Variants in TMEM150C observed in about 807,000 individuals in gnomAD.
The protein encoded by TMEM150C is tentonin 3.
A neutral mutation model predicts 29.9 loss-of-function variants in TMEM150C; 10 were observed. That is an observed-to-expected ratio of 0.33 (90% CI 0.21 to 0.57). The LOEUF is 0.57. Ranked by LOEUF, TMEM150C falls within the 20% of genes least tolerant of loss-of-function variation. The pLI is 0.88. For synonymous variants in TMEM150C, 101 were observed against 112.5 expected, an observed-to-expected ratio of 0.90 and a Z score of 0.64; for missense variants, 251 against 303.6, an observed-to-expected ratio of 0.83 and a Z score of 1.29.
intron 1 of TMEM150C, among the ~76,000 whole-genome samples, chr4:82,547,543 T>G (rs1173224600): frequency 6.6e-6 from 1 of 151,832 alleles, no homozygotes; most frequent in African/African-American, 2.4e-5. Context: ...GAGCTGAGAT[T>G]GCACCATTGC....
At chr4:82,503,700 A>G (rs1383621573) in intron 2 of TMEM150C, among the ~76,000 whole-genome samples, 3 of 152,218 alleles carry the variant, frequency 2.0e-5, no homozygotes, top group East Asian at 3.9e-4. Context: ...AATACAAAAA[A>G]TTAACTGGGT....
chr4:82,508,281 A>G (rs1487516679), intron 1 of TMEM150C, among the ~76,000 whole-genome samples: 3 of 152,104 alleles, frequency 2.0e-5, no homozygotes, highest in African/African-American at 7.2e-5. Context: ...AGAATGGAAT[A>G]TTCCATACTC....
At chr4:82,489,902 A>G (rs1047701232) in intron 7 of TMEM150C, among the ~76,000 whole-genome samples, 159 bp downstream of exon 7, 1 of 152,192 alleles carries the variant, frequency 6.6e-6, no homozygotes, top group African/African-American at 2.4e-5. Context: ...TTGGCATGAA[A>G]AATTGGTCTG....
chr4:82,535,193 G>C (rs1323117139), intron 1 of TMEM150C, among the ~76,000 whole-genome samples: 2 of 152,124 alleles, frequency 1.3e-5, no homozygotes, highest in African/African-American at 4.8e-5. Context: ...AGTTGATTTG[G>C]CTCATAGTCC....
At chr4:82,562,029 C>T (rs1484248263), upstream of TMEM150C, 4 of 1,153,676 alleles carry the variant, frequency 3.5e-6, no homozygotes, top group Non-Finnish European at 4.3e-6. Flanking sequence ...TGCTCACCCG[C>T]CCGCCCGGCC....
chr4:82,554,548 T>C (rs1725678352), intron 1 of TMEM150C, among the ~76,000 whole-genome samples: 1 of 152,210 alleles, frequency 6.6e-6, no homozygotes, highest in South Asian at 2.1e-4. Context: ...ATTATTGCCA[T>C]TTAAATATTT....
At chr4:82,519,402 C>A (rs954011432) in intron 1 of TMEM150C, among the ~76,000 whole-genome samples, 1 of 151,456 alleles carries the variant, frequency 6.6e-6, no homozygotes, top group African/African-American at 2.4e-5. Flanking sequence ...GATGTTCTTT[C>A]TCTTTCTTTT....
rs564655955 is a variant in TMEM150C at position 82,528,338 on chromosome 4, T to A, written c.-10-23671A>T. On this transcript the variant is annotated intron_variant, in intron 1 of 7. Coordinates refer to ENST00000449862, the MANE Select transcript of TMEM150C (RefSeq NM_001080506.3). ...TTGCTGGGCCCCACCTCTGAAGTTC[T>A]GGCTCAGTAGGCCCCAGGTGAAACC... 1.6e-4 allele frequency among the ~76,000 whole-genome samples: 25 copies of A among 152,330 alleles called. 1 individual carries two copies. Among genetic ancestry groups the A allele is most frequent in the South Asian group, 8.3e-4 (4 of 4,832 alleles).
At chr4:82,547,781 G>A (rs549793438) in intron 1 of TMEM150C, among the ~76,000 whole-genome samples, 1 of 152,136 alleles carries the variant, frequency 6.6e-6, no homozygotes, top group Admixed American at 6.5e-5. Flanking sequence ...CAGTCACAGT[G>A]GAAAGCAGTT....
At chr4:82,505,219 A>AT (rs1156880755) in intron 1 of TMEM150C, among the ~76,000 whole-genome samples, 7 of 151,990 alleles carry the variant, frequency 4.6e-5, no homozygotes, top group South Asian at 2.1e-4. Context: ...TTATTTTTAA[A>AT]TTTTTTTTGT....
At chr4:82,553,814 C>A (rs1560501581) in intron 1 of TMEM150C, among the ~76,000 whole-genome samples, 1 of 152,208 alleles carries the variant, frequency 6.6e-6, no homozygotes, top group Non-Finnish European at 1.5e-5. Flanking sequence ...TTGATCATAA[C>A]TGTATCATTC....
intron 1 of TMEM150C, among the ~76,000 whole-genome samples, chr4:82,529,527 A>G (rs575106858): frequency 4.5e-4 from 68 of 152,170 alleles, no homozygotes; most frequent in African/African-American, 1.5e-3. Context: ...GGCTCAAGCG[A>G]TTCTCCTGCC....
intron 1 of TMEM150C, among the ~76,000 whole-genome samples, chr4:82,556,370 C>T (rs1725737682): frequency 6.6e-6 from 1 of 152,128 alleles, no homozygotes; most frequent in African/African-American, 2.4e-5. Flanking sequence ...CACTAGTAAC[C>T]GTCAATAAAA....
intron 5 of TMEM150C, 85 bp downstream of exon 5, chr4:82,502,642 C>T (rs1483200187): frequency 1.5e-5 from 20 of 1,306,016 alleles, no homozygotes; most frequent in Non-Finnish European, 2.1e-5. Context: ...ATAAGCCCCC[C>T]ATTGTTTTGA....
intron 6 of TMEM150C, chr4:82,491,039 G>T: frequency 1.4e-6 from 1 of 733,796 alleles, no homozygotes; most frequent in Non-Finnish European, 2.5e-6. Context: ...AGGTCTTCCT[G>T]TGGACTAGAC....
intron 1 of TMEM150C, among the ~76,000 whole-genome samples, chr4:82,512,480 G>A (rs190805984): frequency 5.9e-5 from 9 of 152,246 alleles, no homozygotes; most frequent in South Asian, 2.1e-4. Context: ...TTCGGTAAGC[G>A]GCTGCTCGCC....
Position 82,561,921 on chromosome 4 carries a change from G to A in TMEM150C, c.-26C>T, listed in dbSNP as rs1209537177. On this transcript the variant is annotated 5_prime_UTR_variant, in exon 1 of 8. Coordinates refer to ENST00000449862, the MANE Select transcript of TMEM150C (RefSeq NM_001080506.3). ...CCGCGCCTACCTGCTCTGGTGCGGC[G>A]GGGCCGCTGTCGCCTCGAGGGGCTG... The A allele has an allele frequency of 9.7e-7, 1 of 1,030,706 alleles. No homozygotes were observed. Among genetic ancestry groups the A allele is most frequent in the Non-Finnish European group, 1.2e-6 (1 of 856,674 alleles). 63.8% of individuals were successfully genotyped at this position (1,030,706 alleles called of 1,614,324 possible). A position where few individuals can be genotyped will look rare whatever the true frequency, so the allele number is the denominator to read the frequency against.
chr4:82,531,754 C>CAAA lies in TMEM150C; in HGVS notation c.-10-27090_-10-27088dup, dbSNP rs757992713. On this transcript the variant is annotated intron_variant, in intron 1 of 7. Coordinates refer to ENST00000449862, the MANE Select transcript of TMEM150C (RefSeq NM_001080506.3). Reference sequence around the variant, plus strand: ...TGGGCAACAGAGCAAGACTCTGTCTCAAAAAAAAAAAAAAAAAAAAAAAAG... The same window carrying CAAA: ...TGGGCAACAGAGCAAGACTCTGTCTCAAAAAAAAAAAAAAAAAAAAAAAAAAAG... Among the ~76,000 whole-genome samples, 60 of 62,216 alleles carry CAAA rather than the reference C, an allele frequency of 9.6e-4. 1 individual carries two copies. The highest frequency in any genetic ancestry group is 6.4e-3 in the East Asian group (9 of 1,412). 40.8% of individuals were successfully genotyped at this position (62,216 alleles called of 152,430 possible).
intron 1 of TMEM150C, among the ~76,000 whole-genome samples, chr4:82,520,563 T>C (rs756564570): frequency 4.6e-5 from 7 of 152,206 alleles, no homozygotes; most frequent in Non-Finnish European, 7.3e-5. Flanking sequence ...GGAAATACTA[T>C]GACAGCACTG....
Sources: gnomAD v4.1 joint callset for allele counts (sites outside exome capture counted in the v4.1 genomes callset) on GRCh38, gnomAD v4.1.1 for gene constraint, MANE v1.5 for transcripts, NCBI Gene and HGNC (gene_info 2026-07-23, HGNC 2026-07-21) for gene names.